FAM13A: variants seen among roughly 807,000 people sequenced by gnomAD.
FAM13A encodes protein FAM13A.
Under a neutral mutation model 129.6 loss-of-function variants are expected in FAM13A, and 76 were observed. That is an observed-to-expected ratio of 0.59 (90% CI 0.49 to 0.71). FAM13A has a LOEUF of 0.71. FAM13A is among the 30% of genes least tolerant of loss of function. The pLI, the probability that FAM13A is intolerant of heterozygous loss-of-function variation, is 0.00. For synonymous variants in FAM13A, 443 were observed against 449.9 expected (o/e 0.98, Z 0.20); for missense variants, 1,108 against 1,249.3 (o/e 0.89, Z 1.70).
At chr4:88,792,601 A>G (rs1382327606) in intron 8 of FAM13A, among the ~76,000 whole-genome samples, 1 of 152,030 alleles carries the variant, frequency 6.6e-6, no homozygotes, top group Non-Finnish European at 1.5e-5. Flanking sequence ...ATTAACTCCT[A>G]TACTCCACTT....
intron 4 of FAM13A, among the ~76,000 whole-genome samples, chr4:88,946,401 CTTTTTTT>C (rs3067813): frequency 2.0e-4 from 18 of 91,716 alleles, no homozygotes; most frequent in Non-Finnish European, 2.8e-4. Flanking sequence ...CTCCCGCGTT[CTTTTTTT>C]TTTTTTTTTT....
intron 8 of FAM13A, among the ~76,000 whole-genome samples, chr4:88,800,028 C>T (rs1727097230): frequency 6.6e-6 from 1 of 152,122 alleles, no homozygotes; most frequent in Admixed American, 6.5e-5. Context: ...CTGAGGTATG[C>T]TAAGTAAAAT....
At chr4:88,740,372 A>G (rs1369200277) in intron 19 of FAM13A, among the ~76,000 whole-genome samples, 1 of 152,210 alleles carries the variant, frequency 6.6e-6, no homozygotes, top group Admixed American at 6.5e-5. Flanking sequence ...GCAGGAGTTT[A>G]TATTTTTGTA....
chr4:88,946,236 T>C (rs980269270), intron 4 of FAM13A, among the ~76,000 whole-genome samples: 5 of 151,486 alleles, frequency 3.3e-5, no homozygotes, highest in Admixed American at 6.6e-5. Context: ...CGAGGTCCTA[T>C]TCCAGCCAAT....
chr4:88,898,280 T>C (rs965203677), intron 6 of FAM13A, among the ~76,000 whole-genome samples: 3 of 152,162 alleles, frequency 2.0e-5, no homozygotes, highest in East Asian at 3.8e-4. Context: ...CATGTTTTTT[T>C]CCCAAAATGC....
At chr4:89,001,862 C>T (rs1369704643) in intron 3 of FAM13A, among the ~76,000 whole-genome samples, 2 of 152,078 alleles carry the variant, frequency 1.3e-5, no homozygotes, top group Non-Finnish European at 2.9e-5. Flanking sequence ...TTACAATTAG[C>T]CACTGTGCTG....
chr4:89,012,772 G>A (rs1357986767), intron 3 of FAM13A, among the ~76,000 whole-genome samples: 1 of 152,058 alleles, frequency 6.6e-6, no homozygotes, highest in African/African-American at 2.4e-5. Context: ...ATAAAGCATG[G>A]AAGAGAGGAC....
intron 7 of FAM13A, among the ~76,000 whole-genome samples, chr4:88,829,376 C>G (rs1733528552): frequency 6.6e-6 from 1 of 152,116 alleles, no homozygotes; most frequent in East Asian, 1.9e-4. Context: ...GAAGCTGAAG[C>G]TGCAGTGAGC....
At chr4:89,007,857 T>C (rs1423654222) in intron 3 of FAM13A, among the ~76,000 whole-genome samples, 2 of 152,194 alleles carry the variant, frequency 1.3e-5, no homozygotes, top group East Asian at 1.9e-4. Flanking sequence ...AAACAGATTA[T>C]ATAAGTAAAA....
At chr4:88,838,853 C>T (rs1735306200) in intron 7 of FAM13A, among the ~76,000 whole-genome samples, 1 of 152,160 alleles carries the variant, frequency 6.6e-6, no homozygotes, top group South Asian at 2.1e-4. Flanking sequence ...TGCTCATAAA[C>T]ATTGGAAGAT....
intron 6 of FAM13A, 136 bp from the exon 7 acceptor site, chr4:88,851,319 T>A: frequency 1.4e-6 from 1 of 690,940 alleles, no homozygotes; most frequent in Non-Finnish European, 2.3e-6. Flanking sequence ...AATATCAAGC[T>A]AAAAATTAAA....
rs78965984 is a variant in FAM13A at position 88,971,332 on chromosome 4, T to C, written c.605+19641A>G. Among the ~76,000 whole-genome samples, 424 of 152,282 alleles carry C rather than the reference T, an allele frequency of 2.8e-3. 3 individuals carry two copies. The highest frequency in any genetic ancestry group is 9.3e-3 in the African/African-American group (387 of 41,556). On this transcript the variant is annotated intron_variant, in intron 4 of 23. Transcript: ENST00000264344. ...TTTGGATAACAACAAATGAACAAAC[T>C]GTCTTCTCTCAAGTGATGCTTTTCG... is the stretch of plus-strand genomic sequence containing the variant.
chr4:88,949,523 T>C (rs1356378650), intron 4 of FAM13A, among the ~76,000 whole-genome samples: 12 of 152,174 alleles, frequency 7.9e-5, no homozygotes, highest in Non-Finnish European at 1.8e-4. Context: ...GATGCAAAAG[T>C]TTCCAAATTT....
intron 4 of FAM13A, among the ~76,000 whole-genome samples, chr4:88,940,176 C>T (rs1754519633): frequency 6.6e-6 from 1 of 152,136 alleles, no homozygotes; most frequent in Non-Finnish European, 1.5e-5. Flanking sequence ...GGCTTGGGAA[C>T]TGGGTAGTGG....
chr4:88,826,822 C>A (rs1052899998), intron 7 of FAM13A, among the ~76,000 whole-genome samples: 1 of 152,126 alleles, frequency 6.6e-6, no homozygotes, highest in Admixed American at 6.5e-5. Flanking sequence ...TATTGGATCT[C>A]ATCATTTTCT....
chr4:88,859,714 G>A (rs769263540), intron 6 of FAM13A, among the ~76,000 whole-genome samples: 4 of 152,184 alleles, frequency 2.6e-5, no homozygotes, highest in South Asian at 2.1e-4. Context: ...GCTTAGTTGC[G>A]TGGGTTTCAC....
intron 10 of FAM13A, among the ~76,000 whole-genome samples, chr4:88,786,483 T>C (rs916334753): frequency 1.3e-5 from 2 of 152,228 alleles, no homozygotes; most frequent in Non-Finnish European, 2.9e-5. Context: ...AACATGTCAG[T>C]AGCTAATTTT....
At chr4:88,930,517 G>A (rs1752867961) in intron 5 of FAM13A, among the ~76,000 whole-genome samples, 2 of 152,170 alleles carry the variant, frequency 1.3e-5, no homozygotes, top group South Asian at 4.1e-4. Context: ...AGGCTGTGGT[G>A]AAGCTTTGCT....
chr4:88,751,199 G>A (rs943652096), intron 14 of FAM13A, among the ~76,000 whole-genome samples: 1 of 152,114 alleles, frequency 6.6e-6, no homozygotes, highest in Non-Finnish European at 1.5e-5. Flanking sequence ...CAGAGATTGC[G>A]CCACTGCACT....
Sources: allele counts gnomAD v4.1 joint callset (sites outside exome capture counted in the v4.1 genomes callset), GRCh38; gene constraint gnomAD v4.1.1; transcripts MANE v1.5; gene names NCBI Gene and HGNC (gene_info 2026-07-23, HGNC 2026-07-21).